Variants in ANO2 observed in about 807,000 individuals in gnomAD.
The protein encoded by ANO2 is anoctamin-2.
ANO2 carries 101 observed loss-of-function variants against 124.2 expected under a neutral mutation model. That is an observed-to-expected ratio of 0.81 (90% CI 0.69 to 0.96). The LOEUF is 0.96. ANO2 is among the 40% of genes least tolerant of loss of function. ANO2 has a pLI of 0.00. For synonymous variants in ANO2, 486 were observed against 482.5 expected, an observed-to-expected ratio of 1.01 and a Z score of -0.09; for missense variants, 1,293 against 1,274.5, an observed-to-expected ratio of 1.01 and a Z score of -0.22.
At chr12:5,740,001 A>G in intron 12 of ANO2, 1 of 455,818 alleles carries the variant, frequency 2.2e-6, no homozygotes, top group Non-Finnish European at 4.4e-6. Flanking sequence ...CCATTTGCTT[A>G]GCAAATAGTT....
At chr12:5,756,571 G>C (rs1951586106) in intron 10 of ANO2, among the ~76,000 whole-genome samples, 2 of 152,246 alleles carry the variant, frequency 1.3e-5, no homozygotes, top group South Asian at 4.1e-4. Context: ...TAAGCAGGCA[G>C]TGCCTGCGGG....
chr12:5,902,173 T>C (rs1281960938), intron 3 of ANO2, among the ~76,000 whole-genome samples: 1 of 152,210 alleles, frequency 6.6e-6, no homozygotes, highest in Admixed American at 6.5e-5. Flanking sequence ...ACTTGATATC[T>C]GAAAGTCCAG....
At position 5,787,830 on chromosome 12, in the gene ANO2, C is replaced by T. The variant is rs1025700963; in HGVS notation, c.1055+11677G>A. 4.6e-5 allele frequency among the ~76,000 whole-genome samples: 7 copies of T among 152,154 alleles called. No individual in the cohort carries two copies. Among genetic ancestry groups the T allele is most frequent in the East Asian group, 3.9e-4 (2 of 5,184 alleles). On this transcript the variant is annotated intron_variant, in intron 10 of 24. Transcript: ENST00000682330. This position sits in a 1 kb window ranked among gnomAD's most constrained non-coding sequence, Gnocchi z 4.2. ...TCTCTAGTCATCTCTGTCACACTTC[C>T]GGTTAACTATGCACTGTCTCCCCTG...
chr12:5,579,338 G>A (rs148778926), intron 20 of ANO2, among the ~76,000 whole-genome samples: 1 of 152,314 alleles, frequency 6.6e-6, no homozygotes, highest in East Asian at 1.9e-4. Context: ...CCCAAATGGA[G>A]AGGAACGTAC....
At chr12:5,573,458 G>C (rs1346932017) in intron 23 of ANO2, among the ~76,000 whole-genome samples, 2 of 152,196 alleles carry the variant, frequency 1.3e-5, no homozygotes, top group African/African-American at 2.4e-5. Flanking sequence ...TGCGCTCTTA[G>C]AGAGATGTGA....
At chr12:5,821,746 T>C (rs1370185062) in intron 7 of ANO2, among the ~76,000 whole-genome samples, 1 of 152,208 alleles carries the variant, frequency 6.6e-6, no homozygotes, top group East Asian at 1.9e-4. Flanking sequence ...CTGAACTGCC[T>C]ATAATGAACT....
intron 14 of ANO2, among the ~76,000 whole-genome samples, chr12:5,722,417 G>A (rs924282516): frequency 6.6e-6 from 1 of 152,178 alleles, no homozygotes; most frequent in Non-Finnish European, 1.5e-5. Flanking sequence ...TGAGGCAGGA[G>A]AATGGCGTGA....
intron 10 of ANO2, among the ~76,000 whole-genome samples, chr12:5,781,603 T>C (rs1008203712): frequency 6.6e-6 from 1 of 152,260 alleles, no homozygotes; most frequent in Non-Finnish European, 1.5e-5. Flanking sequence ...CTAATAAATG[T>C]TTAGTCAATA....
chr12:5,908,113 G>T lies in ANO2; in HGVS notation c.534+12927C>A, dbSNP rs574364178. 2.0e-5 allele frequency among the ~76,000 whole-genome samples: 3 copies of T among 152,366 alleles called. No homozygotes were observed. The highest frequency in any genetic ancestry group is 1.3e-4 in the Admixed American group (2 of 15,308). On this transcript the variant is annotated intron_variant, in intron 3 of 24. Transcript: ENST00000682330. This position sits in a 1 kb window ranked among gnomAD's most constrained non-coding sequence, Gnocchi z 4.7. Reference sequence around the variant, plus strand: ...CCACACCAGCTCCGAGGACCCTGGGGCTTCCACTCTGAAGCCTTTGGGGGT... The same window carrying T: ...CCACACCAGCTCCGAGGACCCTGGGTCTTCCACTCTGAAGCCTTTGGGGGT...
chr12:5,894,339 TG>T (rs1451088685), intron 3 of ANO2, among the ~76,000 whole-genome samples: 1 of 152,208 alleles, frequency 6.6e-6, no homozygotes, highest in African/African-American at 2.4e-5. Flanking sequence ...TGGGGTTGTT[TG>T]TTTTTTTCTT....
At chr12:5,840,138 C>T (rs536726951) in intron 4 of ANO2, among the ~76,000 whole-genome samples, 2 of 152,254 alleles carry the variant, frequency 1.3e-5, no homozygotes, top group South Asian at 4.2e-4. Context: ...TCAGAAATGG[C>T]GAGACACATG....
At chr12:5,897,900 A>G (rs563699401) in intron 3 of ANO2, among the ~76,000 whole-genome samples, 1 of 152,328 alleles carries the variant, frequency 6.6e-6, no homozygotes, top group African/African-American at 2.4e-5. Context: ...AGATCAATAA[A>G]ATGACGTAAA....
chr12:5,623,858 C>A (rs1267370346), intron 16 of ANO2, among the ~76,000 whole-genome samples: 2 of 152,218 alleles, frequency 1.3e-5, no homozygotes, highest in Non-Finnish European at 2.9e-5. Flanking sequence ...ACCAACTGGG[C>A]TGCCCTTCAT....
intron 15 of ANO2, among the ~76,000 whole-genome samples, chr12:5,643,471 T>C (rs1253129503): frequency 1.3e-5 from 2 of 152,166 alleles, no homozygotes; most frequent in African/African-American, 4.8e-5. Flanking sequence ...ATTTGGACTG[T>C]TTCCAGGTTG....
At chr12:5,591,548 A>G (rs1943394113) in intron 20 of ANO2, among the ~76,000 whole-genome samples, 1 of 152,218 alleles carries the variant, frequency 6.6e-6, no homozygotes, top group South Asian at 2.1e-4. Flanking sequence ...CCAGACTTTT[A>G]GGCAGCTAAG....
intron 10 of ANO2, among the ~76,000 whole-genome samples, chr12:5,764,510 T>C (rs1239399837): frequency 6.6e-6 from 1 of 152,168 alleles, no homozygotes; most frequent in Non-Finnish European, 1.5e-5. Context: ...GAGATTCAAA[T>C]CCAACAAGTC....
Position 5,942,999 on chromosome 12 carries a change from C to T in ANO2, c.22+2197G>A, listed in dbSNP as rs115685601. The stretch of plus-strand genomic sequence containing the variant: ...GCATGGATGTGATGAAAAGGGAACA[C>T]TTTAACACTGCTGCTGAGAATGTAA... On this transcript the variant is annotated intron_variant, in intron 1 of 24. Transcript: ENST00000682330. Among the ~76,000 whole-genome samples, 1,006 of 152,222 alleles carry T rather than the reference C, an allele frequency of 6.6e-3. 9 individuals carry two copies. Among genetic ancestry groups the T allele is most frequent in the African/African-American group, 0.023 (937 of 41,534 alleles).
At chr12:5,938,651 T>C (rs1011801506) in intron 1 of ANO2, among the ~76,000 whole-genome samples, 5 of 151,998 alleles carry the variant, frequency 3.3e-5, no homozygotes, top group Non-Finnish European at 7.4e-5. Context: ...TGAAACTCCG[T>C]CTCTACTGAA....
chr12:5,644,325 G>C (rs1946528394), intron 15 of ANO2, among the ~76,000 whole-genome samples: 4 of 152,036 alleles, frequency 2.6e-5, no homozygotes, highest in Non-Finnish European at 5.9e-5. Flanking sequence ...TCTGGTTCTT[G>C]GTTTTCTATT....
Sources: gnomAD v4.1 joint callset for allele counts (sites outside exome capture counted in the v4.1 genomes callset) on GRCh38, gnomAD v4.1.1 for gene constraint, Gnocchi (gnomAD v3.1) non-coding constraint, MANE v1.5 for transcripts, NCBI Gene and HGNC (gene_info 2026-07-23, HGNC 2026-07-21) for gene names.